BRINP2: variants seen among roughly 807,000 people sequenced by gnomAD.
BRINP2 encodes the protein BMP/retinoic acid inducible neural specific 2.
In BRINP2, 21 loss-of-function variants were observed where a neutral mutation model predicts 69.2. The observed-to-expected ratio is 0.30, with a 90% CI of 0.22 to 0.44. The LOEUF (loss-of-function observed/expected upper bound fraction) is 0.44, where lower values mean the gene tolerates loss of function less well. Ranked by LOEUF, BRINP2 falls within the 20% of genes least tolerant of loss-of-function variation. The pLI is 1.00. For synonymous variants in BRINP2, 380 were observed against 394.1 expected, an observed-to-expected ratio of 0.96 and a Z score of 0.42; for missense variants, 877 against 986.0, an observed-to-expected ratio of 0.89 and a Z score of 1.48.
At chr1:177,209,960 C>T (rs1649178797) in intron 1 of BRINP2, among the ~76,000 whole-genome samples, 1 of 152,130 alleles carries the variant, frequency 6.6e-6, no homozygotes, top group Non-Finnish European at 1.5e-5. Flanking sequence ...AATTCATTTG[C>T]AATACTTTTC....
At chr1:177,182,938 G>T (rs956106076) in intron 1 of BRINP2, among the ~76,000 whole-genome samples, 1 of 151,548 alleles carries the variant, frequency 6.6e-6, no homozygotes, top group African/African-American at 2.4e-5. Flanking sequence ...TAGGGGTTTT[G>T]TTGTTGTTGT....
intron 2 of BRINP2, among the ~76,000 whole-genome samples, chr1:177,233,877 A>T (rs12040163): frequency 0.36 from 54,001 of 152,096 alleles, 10,190 homozygotes; most frequent in South Asian, 0.54. Flanking sequence ...TGAAAAGCAT[A>T]GTCTTAGGAT....
intron 1 of BRINP2, among the ~76,000 whole-genome samples, chr1:177,215,541 G>GAATT (rs1377904841): frequency 6.6e-6 from 1 of 152,068 alleles, no homozygotes; most frequent in Non-Finnish European, 1.5e-5. Flanking sequence ...ATGTTGATTT[G>GAATT]TGTCCTGAAA....
Position 177,280,747 on chromosome 1 carries a change from G to T in BRINP2, c.1571G>T (p.Arg524Leu). 6.2e-7 allele frequency: 1 copy of T among 1,614,182 alleles called. No individual in the cohort carries two copies. The highest frequency in any genetic ancestry group is 8.5e-7 in the Non-Finnish European group (1 of 1,180,026). ...LKYLLQKQDS[R>L]IEVHSIFISN... is the part of the protein sequence containing the mutation. ...TACCTGCTGCAGAAGCAGGATAGCC[G>T]CATTGAGGTACACTCCATCTTCATC... The change falls in exon 8 of 8, where the codon CGC becomes CTC. Residue 524 changes from arginine to leucine, a missense_variant. Physicochemically the swap from Arg to Leu is moderately radical, Grantham distance 102 (BLOSUM62 -2). This residue lies in a region of BRINP2 where 86 missense variants were observed against 142.1 expected (regional missense o/e 0.61). Transcript: ENST00000361539.
At chr1:177,183,705 G>A (rs996292976) in intron 1 of BRINP2, among the ~76,000 whole-genome samples, 1 of 152,204 alleles carries the variant, frequency 6.6e-6, no homozygotes, top group African/African-American at 2.4e-5. Context: ...GATAAAAGGT[G>A]TGGATGGTGC....
rs934370969 is a variant in BRINP2, at chr1:177,240,313, G to T, written c.269+10168G>T. 6.6e-5 allele frequency among the ~76,000 whole-genome samples: 10 copies of T among 152,272 alleles called. 1 individual carries two copies. In the East Asian group the frequency reaches 1.7e-3, roughly 27 times the overall value. On this transcript the variant is annotated intron_variant, in intron 2 of 7. Transcript: ENST00000361539. ...ACAGCGGTAAACTTTAGCATCATAAGCCAGCCTCTTGCTTGGCTGGTTCTG... is the reference window on the plus strand; with the variant it reads ...ACAGCGGTAAACTTTAGCATCATAATCCAGCCTCTTGCTTGGCTGGTTCTG...
intron 1 of BRINP2, among the ~76,000 whole-genome samples, chr1:177,180,707 C>T (rs1051782289): frequency 6.6e-6 from 1 of 152,090 alleles, no homozygotes; most frequent in African/African-American, 2.4e-5. Context: ...CTTTCCTCAC[C>T]CACAAGTGTT....
At chr1:177,223,459 C>T (rs1406696111) in intron 1 of BRINP2, among the ~76,000 whole-genome samples, 1 of 152,150 alleles carries the variant, frequency 6.6e-6, no homozygotes, top group African/African-American at 2.4e-5. Context: ...TTACTCCCAT[C>T]CCTTGGGACA....
At chr1:177,189,815 A>G (rs1648535803) in intron 1 of BRINP2, among the ~76,000 whole-genome samples, 1 of 152,168 alleles carries the variant, frequency 6.6e-6, no homozygotes, top group Non-Finnish European at 1.5e-5. Flanking sequence ...CTGTCTCCTA[A>G]GGCAACCTTA....
chr1:177,195,300 C>T (rs1485811398), intron 1 of BRINP2, among the ~76,000 whole-genome samples: 2 of 151,978 alleles, frequency 1.3e-5, no homozygotes, highest in African/African-American at 2.4e-5. Flanking sequence ...TGTAATAAAA[C>T]AGTGTACCTA....
At chr1:177,213,802 T>C (rs530628145) in intron 1 of BRINP2, among the ~76,000 whole-genome samples, 1 of 152,312 alleles carries the variant, frequency 6.6e-6, no homozygotes, top group South Asian at 2.1e-4. Flanking sequence ...CAGCCTTTTC[T>C]CCCATCTTCC....
At position 177,230,124 on chromosome 1, in the gene BRINP2, C is replaced by G. The variant is rs1298314038; in HGVS notation, c.248C>G (p.Thr83Ser). The part of the protein sequence containing the change: ...DFMERYRQGF[T>S]TRYRIYREFA... ...ATGGAGCGGTACCGCCAGGGTTTCA[C>G]CACCAGGTACAGGATTTATAGGTAA... Residue 83 changes from threonine to serine, a missense_variant, in exon 2 of 8, where the codon ACC (threonine) becomes AGC (serine). Physicochemically the swap from Thr to Ser is moderately conservative, Grantham distance 58. Around this residue, in one of 3 missense-constraint regions of BRINP2, gnomAD observed 566 missense variants for 625.2 expected, o/e 0.91. Transcript: ENST00000361539. 6.2e-7 allele frequency: 1 copy of G among 1,610,906 alleles called. No homozygotes were observed. The highest frequency in any genetic ancestry group is 8.5e-7 in the Non-Finnish European group (1 of 1,178,458).
intron 1 of BRINP2, among the ~76,000 whole-genome samples, chr1:177,173,816 C>T (rs1648010043): frequency 6.6e-6 from 1 of 152,188 alleles, no homozygotes; most frequent in Non-Finnish European, 1.5e-5. Context: ...TCTGAAATCC[C>T]TCCCCAACTC....
At chr1:177,202,782 A>G (rs1241624799) in intron 1 of BRINP2, among the ~76,000 whole-genome samples, 2 of 152,186 alleles carry the variant, frequency 1.3e-5, no homozygotes, top group Non-Finnish European at 2.9e-5. Context: ...GTGAGATACC[A>G]TCTCACACCA....
chr1:177,254,179 T>A (rs1423674246), intron 2 of BRINP2, among the ~76,000 whole-genome samples: 1 of 152,188 alleles, frequency 6.6e-6, no homozygotes, highest in Non-Finnish European at 1.5e-5. Context: ...GGAACAACTT[T>A]GCAATCTTCT....
In BRINP2 at chr1:177,229,847, G is replaced by A. The variant is rs772863226; in HGVS notation, c.-30G>A. The A allele has an allele frequency of 9.0e-6, 14 of 1,552,944 alleles. No individual in the cohort carries two copies. On this transcript the variant is annotated 5_prime_UTR_variant, in exon 2 of 8. Transcript: ENST00000361539. ...CACGGAGCGGGAGAGCGTGGCGAGA[G>A]AATGAAGAAACCAATCGCCCGGGAG...
intron 1 of BRINP2, among the ~76,000 whole-genome samples, chr1:177,200,353 C>T (rs1648874692): frequency 7.1e-6 from 1 of 140,142 alleles, no homozygotes; most frequent in Non-Finnish European, 1.5e-5. Context: ...AACATAGCAG[C>T]CAGAGCAACA....
rs151331197 is a variant in BRINP2 at position 177,192,459 on chromosome 1, C to T, written c.-77+20727C>T. Among the ~76,000 whole-genome samples, 41 of 152,286 alleles carry T rather than the reference C, an allele frequency of 2.7e-4. No individual in the cohort carries two copies. The East Asian group carries it at 5.8e-3, about 21-fold the overall frequency. On this transcript the variant is annotated intron_variant, in intron 1 of 7. Coordinates refer to ENST00000361539, the MANE Select transcript of BRINP2 (RefSeq NM_021165.4). Reference sequence around the variant, plus strand: ...AAATATAGGTGTGAGATTAGGGAAACCCACTGTGAAAGCTGTTTGGTTTCC... The same window carrying T: ...AAATATAGGTGTGAGATTAGGGAAATCCACTGTGAAAGCTGTTTGGTTTCC...
intron 1 of BRINP2, among the ~76,000 whole-genome samples, chr1:177,190,974 T>C (rs1648578850): frequency 6.6e-6 from 1 of 152,178 alleles, no homozygotes; most frequent in Non-Finnish European, 1.5e-5. Context: ...CCTTAACCAA[T>C]AGCATAAAGC....
Sources: gnomAD v4.1 joint callset for allele counts (sites outside exome capture counted in the v4.1 genomes callset) on GRCh38, gnomAD v4.1.1 for gene constraint, gnomAD v4.1.1 regional missense constraint, MANE v1.5 for transcripts, NCBI Gene and HGNC (gene_info 2026-07-23, HGNC 2026-07-21) for gene names.